Variants in AUTS2 observed in about 807,000 individuals in gnomAD.
The protein encoded by AUTS2 is autism susceptibility gene 2 protein.
In AUTS2, 17 loss-of-function variants were observed where a neutral mutation model predicts 112.4. That is an observed-to-expected ratio of 0.15 (90% CI 0.10 to 0.23). AUTS2 has a LOEUF of 0.23. AUTS2 is among the 10% of genes least tolerant of loss of function. The pLI is 1.00. For missense variants in AUTS2, 1,510 were observed against 1,701.6 expected, an observed-to-expected ratio of 0.89 and a Z score of 1.98; for synonymous variants, 751 against 702.7, an observed-to-expected ratio of 1.07 and a Z score of -1.09.
chr7:69,687,163 C>T (rs1292243151), intron 1 of AUTS2, among the ~76,000 whole-genome samples: 1 of 152,158 alleles, frequency 6.6e-6, no homozygotes, highest in African/African-American at 2.4e-5. Context: ...TGTAAATATG[C>T]ACCACTGCGC....
intron 4 of AUTS2, among the ~76,000 whole-genome samples, chr7:70,263,156 G>T (rs13340492): frequency 0.22 from 33,808 of 151,856 alleles, 3,786 homozygotes; most frequent in Middle Eastern, 0.32. Context: ...AGCAGTGGCA[G>T]TCTCCTAAAA....
chr7:69,818,875 A>G (rs1790870609), intron 1 of AUTS2, among the ~76,000 whole-genome samples: 1 of 152,240 alleles, frequency 6.6e-6, no homozygotes, highest in Non-Finnish European at 1.5e-5. Flanking sequence ...TAAGATATTT[A>G]TCGCCTCATG....
intron 2 of AUTS2, among the ~76,000 whole-genome samples, chr7:69,951,178 T>C (rs969438330): frequency 3.3e-5 from 5 of 152,188 alleles, no homozygotes; most frequent in Non-Finnish European, 7.3e-5. Flanking sequence ...CAAAAATAGT[T>C]TTTATAATTT....
intron 14 of AUTS2, 100 bp from the exon 15 acceptor site, chr7:70,781,515 C>T (rs1042577238): frequency 5.5e-5 from 77 of 1,406,144 alleles, no homozygotes; most frequent in Non-Finnish European, 7.0e-5. Context: ...TAAACTTGAA[C>T]CCAAGTGCAC....
chr7:70,361,131 G>T (rs937992770), intron 4 of AUTS2, among the ~76,000 whole-genome samples: 1 of 152,118 alleles, frequency 6.6e-6, no homozygotes, highest in African/African-American at 2.4e-5. Context: ...GGATCATGAG[G>T]TCAGGAGATC....
At chr7:69,639,460 G>C (rs958076853) in intron 1 of AUTS2, among the ~76,000 whole-genome samples, 1 of 152,220 alleles carries the variant, frequency 6.6e-6, no homozygotes, top group Non-Finnish European at 1.5e-5. Context: ...TTATTTTGCA[G>C]ATGGGGAAAG....
chr7:70,338,570 G>A (rs1791101289), intron 4 of AUTS2, among the ~76,000 whole-genome samples: 1 of 152,076 alleles, frequency 6.6e-6, no homozygotes, highest in Admixed American at 6.6e-5. Flanking sequence ...GGTTATTTTA[G>A]TCTTCCCAGT....
chr7:70,503,859 GA>G (rs1798864200), intron 5 of AUTS2, among the ~76,000 whole-genome samples: 2 of 149,734 alleles, frequency 1.3e-5, no homozygotes, highest in Non-Finnish European at 3.0e-5. Flanking sequence ...AAAAAAAGAA[GA>G]AAGAAAACCG....
At chr7:70,663,701 G>C (rs1297622691) in intron 5 of AUTS2, among the ~76,000 whole-genome samples, 1 of 152,082 alleles carries the variant, frequency 6.6e-6, no homozygotes, top group African/African-American at 2.4e-5. Flanking sequence ...ACTAGTGAAA[G>C]GCAGGGGTGG....
At chr7:70,454,266 G>A (rs1796645521) in intron 5 of AUTS2, among the ~76,000 whole-genome samples, 1 of 152,188 alleles carries the variant, frequency 6.6e-6, no homozygotes, top group Non-Finnish European at 1.5e-5. Flanking sequence ...CAGGTGTGGT[G>A]TCTCACGCCT....
At chr7:70,782,784 A>AGACTC (rs1277127451) in intron 15 of AUTS2, 2 of 152,186 alleles carry the variant, frequency 1.3e-5, no homozygotes, top group East Asian at 3.9e-4. Context: ...CTTTTATCCA[A>AGACTC]GACTCACTGT....
At chr7:69,999,819 C>A (rs780990442) in intron 2 of AUTS2, among the ~76,000 whole-genome samples, 6 of 152,072 alleles carry the variant, frequency 3.9e-5, no homozygotes, top group Non-Finnish European at 7.4e-5. Flanking sequence ...TTTTAAAAGG[C>A]CTAAATCTTG....
At chr7:69,923,418 T>C (rs1249784491) in intron 2 of AUTS2, among the ~76,000 whole-genome samples, 1 of 152,180 alleles carries the variant, frequency 6.6e-6, no homozygotes, top group South Asian at 2.1e-4. Flanking sequence ...AGTGAGATAA[T>C]GTTACATAGT....
intron 1 of AUTS2, among the ~76,000 whole-genome samples, chr7:69,631,044 A>G (rs1484693434): frequency 6.6e-6 from 1 of 152,204 alleles, no homozygotes; most frequent in Non-Finnish European, 1.5e-5. Context: ...CTAGGCGTAG[A>G]AACAAGAGGT....
chr7:69,612,792 C>G (rs1464428182), intron 1 of AUTS2, among the ~76,000 whole-genome samples: 1 of 152,186 alleles, frequency 6.6e-6, no homozygotes, highest in Non-Finnish European at 1.5e-5. Flanking sequence ...TCTGTATTCT[C>G]TGCCTAAATG....
chr7:69,744,725 A>T (rs565811185), intron 1 of AUTS2, among the ~76,000 whole-genome samples: 1 of 152,018 alleles, frequency 6.6e-6, no homozygotes, highest in Non-Finnish European at 1.5e-5. Flanking sequence ...AGTCCCTGTT[A>T]TCTGGGGATG....
intron 1 of AUTS2, among the ~76,000 whole-genome samples, chr7:69,782,436 T>A (rs1207653248): frequency 6.6e-6 from 1 of 151,752 alleles, no homozygotes; most frequent in Non-Finnish European, 1.5e-5. Context: ...TCTCATCCAG[T>A]CATGATGGTT....
At chr7:70,613,563 C>G (rs919962632) in intron 5 of AUTS2, among the ~76,000 whole-genome samples, 1 of 151,952 alleles carries the variant, frequency 6.6e-6, no homozygotes, top group Non-Finnish European at 1.5e-5. Flanking sequence ...GGAGGGTTGC[C>G]GAGAGTGGAT....
chr7:70,118,841 C>G (rs1482739526), intron 3 of AUTS2: 2 of 152,166 alleles, frequency 1.3e-5, no homozygotes, highest in Non-Finnish European at 2.9e-5. Flanking sequence ...CGTCATACCT[C>G]TTGAGATATC....
Sources: gnomAD v4.1 joint callset for allele counts (sites outside exome capture counted in the v4.1 genomes callset) on GRCh38, gnomAD v4.1.1 for gene constraint, MANE v1.5 for transcripts, NCBI Gene and HGNC (gene_info 2026-07-23, HGNC 2026-07-21) for gene names.